Variants in RPS6KA5 observed in about 807,000 individuals in gnomAD.
The protein encoded by RPS6KA5 is ribosomal protein S6 kinase A5, also known as ribosomal protein S6 kinase alpha-5.
In RPS6KA5, 27 loss-of-function variants were observed where a neutral mutation model predicts 85.5. The ratio of observed to expected loss-of-function variants is 0.32; its 90% CI spans 0.23 to 0.44. The LOEUF is 0.44. Among genes scored for constraint, RPS6KA5 ranks in the 20% least tolerant of loss-of-function variants. The probability of loss-of-function intolerance (pLI) is 1.00; values close to 1 mark genes in which losing one functional copy is unlikely to be tolerated. For synonymous variants in RPS6KA5, 334 were observed against 348.2 expected, an observed-to-expected ratio of 0.96 and a Z score of 0.46; for missense variants, 811 against 980.9, an observed-to-expected ratio of 0.83 and a Z score of 2.31.
At chr14:90,918,021 CAT>C (rs772451967) in intron 7 of RPS6KA5, among the ~76,000 whole-genome samples, 2 of 152,250 alleles carry the variant, frequency 1.3e-5, no homozygotes, top group East Asian at 3.9e-4. Context: ...TTTATATAGA[CAT>C]ATGTTTTCAT....
At chr14:90,882,719 T>C (rs2033929294) in intron 14 of RPS6KA5, among the ~76,000 whole-genome samples, 1 of 152,142 alleles carries the variant, frequency 6.6e-6, no homozygotes, top group Admixed American at 6.6e-5. Context: ...TCCACTGCCT[T>C]CTGAGCCACC....
chr14:91,050,488 G>A (rs1486396624), intron 1 of RPS6KA5, among the ~76,000 whole-genome samples: 5 of 152,176 alleles, frequency 3.3e-5, no homozygotes, highest in Non-Finnish European at 7.4e-5. Context: ...GAGTGCAGTG[G>A]CACAATCTCG....
At chr14:90,952,844 G>A (rs1017519847) in intron 3 of RPS6KA5, among the ~76,000 whole-genome samples, 4 of 152,202 alleles carry the variant, frequency 2.6e-5, no homozygotes, top group African/African-American at 9.7e-5. Context: ...AATTTTTGAA[G>A]GCTCTCAAGC....
At chr14:90,934,099 C>T (rs1284495115) in intron 5 of RPS6KA5, among the ~76,000 whole-genome samples, 1 of 152,186 alleles carries the variant, frequency 6.6e-6, no homozygotes. Flanking sequence ...TAACATACTA[C>T]AGAAATACTT....
intron 3 of RPS6KA5, among the ~76,000 whole-genome samples, chr14:90,954,885 T>C (rs1400158491): frequency 6.6e-6 from 1 of 152,248 alleles, no homozygotes. Context: ...AAACTGTATG[T>C]TGGTATACAG....
At chr14:91,044,372 AGAAGGAAAGAAAGAAAGAAG>A (rs775124735) in intron 1 of RPS6KA5, among the ~76,000 whole-genome samples, 7,318 of 28,214 alleles carry the variant, frequency 0.26, 380 homozygotes, top group East Asian at 0.39. Context: ...AGAGAAAGAA[AGAAGGAAAGAAAGAAAGAAG>A]GAAAGAAAGA....
At chr14:90,963,309 T>C (rs10143417) in intron 3 of RPS6KA5, among the ~76,000 whole-genome samples, 2,022 of 152,318 alleles carry the variant, frequency 0.013, 56 homozygotes, top group African/African-American at 0.046. Context: ...AACATTGGTG[T>C]TAACTTTGAG....
At chr14:91,044,267 GAGAGAGAAAGAAAGAGAGAGAGAGAGAA>G (rs1255053563) in intron 1 of RPS6KA5, among the ~76,000 whole-genome samples, 1,118 of 14,426 alleles carry the variant, frequency 0.077, 26 homozygotes, top group African/African-American at 0.18. Context: ...GAGAGGGAGA[GAGAGAGAAAGAAAGAGAGAGAGAGAGAA>G]AGAGAGAGAA....
chr14:91,056,180 C>T (rs1260876769), intron 1 of RPS6KA5, among the ~76,000 whole-genome samples: 2 of 152,220 alleles, frequency 1.3e-5, no homozygotes, highest in African/African-American at 2.4e-5. Flanking sequence ...TAAACTTCCT[C>T]GACCTTCTCC....
At chr14:90,906,060 G>A (rs2035483344) in intron 8 of RPS6KA5, 89 bp downstream of exon 8, 18 of 1,237,824 alleles carry the variant, frequency 1.5e-5, no homozygotes, top group Non-Finnish European at 2.0e-5. Flanking sequence ...GATCCCAAAG[G>A]GGACTGTGTT....
intron 3 of RPS6KA5, among the ~76,000 whole-genome samples, chr14:90,949,429 AAAGT>A (rs1021942894): frequency 6.6e-6 from 1 of 152,232 alleles, no homozygotes; most frequent in African/African-American, 2.4e-5. Context: ...TTTCTCTGCT[AAAGT>A]AAGGATTAAT....
intron 14 of RPS6KA5, among the ~76,000 whole-genome samples, chr14:90,877,196 T>G (rs372346605): frequency 2.0e-5 from 3 of 152,146 alleles, no homozygotes; most frequent in Non-Finnish European, 4.4e-5. Context: ...ATAAAAACTA[T>G]ATGCATGAGA....
chr14:90,986,312 T>C (rs1321559943), intron 2 of RPS6KA5, among the ~76,000 whole-genome samples: 1 of 152,174 alleles, frequency 6.6e-6, no homozygotes, highest in African/African-American at 2.4e-5. Context: ...AACTGAAGAA[T>C]CATATTAATC....
At chr14:90,980,073 G>C (rs1468057140) in intron 2 of RPS6KA5, among the ~76,000 whole-genome samples, 4 of 152,160 alleles carry the variant, frequency 2.6e-5, no homozygotes, top group Non-Finnish European at 5.9e-5. Flanking sequence ...ATAATTATAG[G>C]TTGAGACCTC....
At chr14:90,903,056 T>C in intron 8 of RPS6KA5, 87 bp from the exon 9 acceptor site, 1 of 1,126,306 alleles carries the variant, frequency 8.9e-7, no homozygotes, top group Non-Finnish European at 1.3e-6. Flanking sequence ...GGATTTTGAC[T>C]GGTAGGGAGA....
At chr14:90,995,713 TAGAA>T (rs2040488307) in intron 2 of RPS6KA5, among the ~76,000 whole-genome samples, 1 of 152,094 alleles carries the variant, frequency 6.6e-6, no homozygotes, top group African/African-American at 2.4e-5. Flanking sequence ...AAGCAGTTGA[TAGAA>T]AGACTACTCA....
intron 2 of RPS6KA5, among the ~76,000 whole-genome samples, chr14:90,979,653 G>A (rs1265463088): frequency 1.3e-5 from 2 of 152,242 alleles, no homozygotes; most frequent in East Asian, 3.8e-4. Flanking sequence ...CACACAATGT[G>A]CAAGAGATCA....
At chr14:90,957,993 T>TA (rs1168988609) in intron 3 of RPS6KA5, among the ~76,000 whole-genome samples, 1 of 151,530 alleles carries the variant, frequency 6.6e-6, no homozygotes, top group African/African-American at 2.4e-5. Context: ...AAAATAAAAA[T>TA]AAAAAATAAA....
chr14:90,930,559 A>C (rs1289578821), intron 5 of RPS6KA5, among the ~76,000 whole-genome samples: 1 of 152,168 alleles, frequency 6.6e-6, no homozygotes, highest in Non-Finnish European at 1.5e-5. Context: ...CAAATTTAAA[A>C]ACTTCTGAAT....
Sources: gnomAD v4.1 joint callset for allele counts (sites outside exome capture counted in the v4.1 genomes callset) on GRCh38, gnomAD v4.1.1 for gene constraint, MANE v1.5 for transcripts, NCBI Gene and HGNC (gene_info 2026-07-23, HGNC 2026-07-21) for gene names.